The following TRIM37 variants were observed in gnomAD, a reference collection of about 807,000 sequenced individuals.
The protein encoded by TRIM37 is tripartite motif containing 37.
TRIM37 carries 80 observed loss-of-function variants against 129.8 expected under a neutral mutation model. The observed-to-expected ratio is 0.62, with a 90% CI of 0.51 to 0.74. The LOEUF is 0.74. TRIM37 is among the 30% of genes least tolerant of loss of function. TRIM37 has a pLI of 0.00. For missense variants in TRIM37, 1,054 were observed against 1,176.5 expected, an observed-to-expected ratio of 0.90 and a Z score of 1.52; for synonymous variants, 389 against 387.1, an observed-to-expected ratio of 1.00 and a Z score of -0.06.
rs1293894773 is a variant in TRIM37, at chr17:59,064,394, G to C, written c.821C>G (p.Pro274Arg). The C allele has an allele frequency of 1.9e-6, 3 of 1,594,548 alleles. No homozygotes were observed. The highest frequency in any genetic ancestry group is 2.6e-6 in the Non-Finnish European group (3 of 1,170,204). ...AACAAAAGTAGCTGAATCGTAAGAT[G>C]GCACTAATTCACTAAAAAAAAAAAG... Reference protein sequence around the residue: ...VPPDFTSELVPSYDSATFVLE... With the variant: ...VPPDFTSELVRSYDSATFVLE... Residue 274 changes from proline (P) to arginine (R), a missense_variant, in exon 10 of 24, where the codon CCA (proline) becomes CGA (arginine). Pro to Arg is a moderately radical substitution (Grantham distance 103). This residue lies in a region of TRIM37 where 752 missense variants were observed against 870.8 expected (regional missense o/e 0.86). Coordinates refer to ENST00000262294, the MANE Select transcript of TRIM37 (RefSeq NM_015294.6).
At chr17:59,061,344 G>C (rs914695222) in intron 11 of TRIM37, among the ~76,000 whole-genome samples, 1 of 150,500 alleles carries the variant, frequency 6.6e-6, no homozygotes, top group Non-Finnish European at 1.5e-5. Flanking sequence ...CACAACAAAG[G>C]TTAAGAGTTT....
intron 17 of TRIM37, among the ~76,000 whole-genome samples, chr17:59,037,298 C>T (rs1391133693): frequency 6.6e-6 from 1 of 151,780 alleles, no homozygotes; most frequent in Admixed American, 6.6e-5. Flanking sequence ...GTGGATCACA[C>T]CTGTAATCCC....
chr17:59,007,158 AACAC>A (rs540872393), intron 22 of TRIM37, among the ~76,000 whole-genome samples: 311 of 8,344 alleles, frequency 0.037, 4 homozygotes, highest in South Asian at 0.056. Context: ...CCCACCCTCC[AACAC>A]ACACACACAC....
intron 22 of TRIM37, among the ~76,000 whole-genome samples, chr17:59,005,450 A>T (rs1264985005): frequency 6.6e-6 from 1 of 151,824 alleles, no homozygotes; most frequent in Non-Finnish European, 1.5e-5. Flanking sequence ...CACCCAGCTA[A>T]TTTTTTTGTA....
At chr17:58,977,909 A>C (rs1350671154), downstream of TRIM37, among the ~76,000 whole-genome samples, 1 of 152,018 alleles carries the variant, frequency 6.6e-6, no homozygotes, top group Non-Finnish European at 1.5e-5. Context: ...GGCCCGGCTA[A>C]TTTTTGTATT....
At chr17:59,077,533 C>T (rs184509225) in intron 7 of TRIM37, among the ~76,000 whole-genome samples, 6 of 152,098 alleles carry the variant, frequency 3.9e-5, no homozygotes, top group South Asian at 2.1e-4. Flanking sequence ...TGGCAGAGGC[C>T]GGGGGTGGTG....
At chr17:59,020,097 G>A (rs568737067) in intron 19 of TRIM37, among the ~76,000 whole-genome samples, 14 of 151,622 alleles carry the variant, frequency 9.2e-5, no homozygotes, top group African/African-American at 3.4e-4. Flanking sequence ...CCGGTGTGGT[G>A]GCACACACCT....
chr17:58,982,331 C>T (rs1411451188), downstream of TRIM37: 1 of 152,240 alleles, frequency 6.6e-6, no homozygotes, highest in African/African-American at 2.4e-5. Flanking sequence ...AACAAACTAT[C>T]AGATTCATTC....
At chr17:59,079,978 G>T in intron 6 of TRIM37, 101 bp from the exon 7 acceptor site, 1 of 1,362,120 alleles carries the variant, frequency 7.3e-7, no homozygotes, top group Non-Finnish European at 1.0e-6. Context: ...GAAAAAGGTA[G>T]TTAGAGGAAG....
At chr17:59,101,677 A>AAAAAATATATAT (rs1568265833) in intron 2 of TRIM37, among the ~76,000 whole-genome samples, 3 of 101,558 alleles carry the variant, frequency 3.0e-5, no homozygotes, top group Non-Finnish European at 5.4e-5. Context: ...AAAAAAAAAA[A>AAAAAATATATAT]ATATATATAT....
rs1292517090 is a variant in TRIM37 at position 59,007,233 on chromosome 17, A to ACC, written c.2695+5094_2695+5095insGG. On this transcript the variant is annotated intron_variant, in intron 22 of 23. Coordinates refer to ENST00000262294, the MANE Select transcript of TRIM37 (RefSeq NM_015294.6). Reference sequence around the variant, plus strand: ...AAAACCACCCCACCCCCACCCACCCACACACACACACACGTTCCTGATGAC... The same window carrying ACC: ...AAAACCACCCCACCCCCACCCACCCACCCACACACACACACGTTCCTGATGAC... Among the ~76,000 whole-genome samples, 184 of 41,614 alleles carry ACC rather than the reference A, an allele frequency of 4.4e-3. 5 individuals carry two copies. The highest frequency in any genetic ancestry group is 0.04 in the South Asian group (39 of 984). The allele number at this position is 41,614 out of a possible 152,430, so 27.3% of individuals were successfully genotyped here. A position where few individuals can be genotyped will look rare whatever the true frequency, so the allele number is the denominator to read the frequency against.
In TRIM37 at chr17:59,061,661, CTT is replaced by C. The variant is rs945440611; in HGVS notation, c.943-555_943-554del. Among the ~76,000 whole-genome samples, 99 of 152,070 alleles carry C rather than the reference CTT, an allele frequency of 6.5e-4. 1 individual carries two copies. Among genetic ancestry groups the C allele is most frequent in the African/African-American group, 2.3e-3 (96 of 41,504 alleles). On this transcript the variant is annotated intron_variant, in intron 11 of 23. Coordinates refer to ENST00000262294, the MANE Select transcript of TRIM37 (RefSeq NM_015294.6). ...CCTTTTTGTTTAATTTGGCAAGACTCTTTTAAAAAAAGAGAATTACTTCCTAT... is the reference window on the plus strand; with the variant it reads ...CCTTTTTGTTTAATTTGGCAAGACTCTTAAAAAAAGAGAATTACTTCCTAT...
chr17:59,093,845 T>C (rs966554842), intron 2 of TRIM37, among the ~76,000 whole-genome samples: 2 of 152,198 alleles, frequency 1.3e-5, no homozygotes, highest in African/African-American at 4.8e-5. Context: ...TAGTGAGTTT[T>C]ACATTCTCTG....
intron 19 of TRIM37, 68 bp from the exon 20 acceptor site, chr17:59,017,492 A>C (rs2036097792): frequency 1.2e-6 from 2 of 1,610,598 alleles, no homozygotes; most frequent in Admixed American, 1.7e-5. Context: ...TTAGTCTGTC[A>C]GAAAAAGTTT....
At chr17:59,021,125 C>G (rs1014057980) in intron 19 of TRIM37, among the ~76,000 whole-genome samples, 1 of 152,188 alleles carries the variant, frequency 6.6e-6, no homozygotes, top group Non-Finnish European at 1.5e-5. Context: ...GGCGTGGTAG[C>G]TCACGCCCGT....
chr17:58,972,028 T>C, the TRIM37 span: 4 of 1,065,312 alleles, frequency 3.8e-6, no homozygotes, highest in East Asian at 2.5e-5. Flanking sequence ...CCATTATTAA[T>C]AGTATAGCTC....
intron 21 of TRIM37, 43 bp from the exon 22 acceptor site, chr17:59,012,489 C>T: frequency 7.8e-7 from 1 of 1,281,576 alleles, no homozygotes; most frequent in Non-Finnish European, 1.1e-6. Context: ...TAACTAGTGA[C>T]ACAATAATCT....
At chr17:59,048,761 T>A (rs895724670) in intron 15 of TRIM37, among the ~76,000 whole-genome samples, 3 of 152,160 alleles carry the variant, frequency 2.0e-5, no homozygotes, top group Non-Finnish European at 2.9e-5. Flanking sequence ...CACACCCAGC[T>A]AATTTTTGTA....
chr17:59,091,143 G>C (rs2044264602), intron 3 of TRIM37, among the ~76,000 whole-genome samples, 157 bp downstream of exon 3: 1 of 151,820 alleles, frequency 6.6e-6, no homozygotes, highest in Admixed American at 6.6e-5. Flanking sequence ...ATTAGTCCCT[G>C]CATTTCTTTT....
Sources: gnomAD v4.1 joint callset for allele counts (sites outside exome capture counted in the v4.1 genomes callset) on GRCh38, gnomAD v4.1.1 for gene constraint, gnomAD v4.1.1 regional missense constraint, MANE v1.5 for transcripts, NCBI Gene and HGNC (gene_info 2026-07-23, HGNC 2026-07-21) for gene names.